PTPN5: variants seen among roughly 807,000 people sequenced by gnomAD.
PTPN5 encodes tyrosine-protein phosphatase non-receptor type 5.
In PTPN5, 29 loss-of-function variants were observed where a neutral mutation model predicts 73.9. That is an observed-to-expected ratio of 0.39 (90% confidence interval 0.29 to 0.54). PTPN5 has a LOEUF of 0.54. PTPN5 is among the 20% of genes least tolerant of loss of function. The pLI, the probability that PTPN5 is intolerant of heterozygous loss-of-function variation, is 0.65. For synonymous variants in PTPN5, 267 were observed against 304.7 expected, an observed-to-expected ratio of 0.88 and a Z score of 1.29; for missense variants, 652 against 751.4, an observed-to-expected ratio of 0.87 and a Z score of 1.55.
chr11:18,733,141 C>T lies in PTPN5; in HGVS notation c.1218+94G>A. 6.5e-7 allele frequency: 1 copy of T among 1,530,754 alleles called. No individual in the cohort carries two copies. Among genetic ancestry groups the T allele is most frequent in the Non-Finnish European group, 8.8e-7 (1 of 1,130,630 alleles). The allele number at this position is 1,530,754 out of a possible 1,614,324, so 94.8% of individuals were successfully genotyped here. A position where few individuals can be genotyped will look rare whatever the true frequency, so the allele number is the denominator to read the frequency against. The stretch of plus-strand genomic sequence containing the variant: ...TGGCAGCGGAGTGAACACCGCCGAC[C>T]TCTTGAGATTGTCATAAAGATTAAT... On this transcript the variant is annotated intron_variant, in intron 11 of 14. Transcript: ENST00000358540. The surrounding 1 kb of genome is among the most constrained non-coding windows in gnomAD (Gnocchi z 4.3).
At position 18,733,426 on chromosome 11, in the gene PTPN5, C is replaced by T; in HGVS notation, c.1081-54G>A. On this transcript the variant is annotated intron_variant, in intron 10 of 14. Transcript: ENST00000358540. This position sits in a 1 kb window ranked among gnomAD's most constrained non-coding sequence, Gnocchi z 4.3. ...GGTCAGAGGCAGTGCTCCCAGGACC[C>T]CATCCCCACACTCAGGCTCTTCACA... is the stretch of plus-strand genomic sequence containing the variant. The T allele has an allele frequency of 4.3e-6, 7 of 1,609,610 alleles. No individual in the cohort carries two copies. Among genetic ancestry groups the T allele is most frequent in the Non-Finnish European group, 5.9e-6 (7 of 1,176,716 alleles).
chr11:18,756,765 A>T (rs1292265979), intron 3 of PTPN5, among the ~76,000 whole-genome samples: 1 of 149,364 alleles, frequency 6.7e-6, no homozygotes, highest in African/African-American at 2.5e-5. Flanking sequence ...TACTAAAAAT[A>T]AAAAAAAAAT....
chr11:18,771,334 T>C (rs1447889675), intron 2 of PTPN5, among the ~76,000 whole-genome samples: 1 of 152,220 alleles, frequency 6.6e-6, no homozygotes, highest in Non-Finnish European at 1.5e-5. Context: ...GAAGATCCTT[T>C]TCCCCTTTTG....
chr11:18,740,491 A>AG, intron 8 of PTPN5, 112 bp downstream of exon 8: 1 of 968,934 alleles, frequency 1.0e-6, no homozygotes, highest in Non-Finnish European at 1.4e-6. Context: ...TAATAAAGTG[A>AG]TACTAATCTA....
chr11:18,740,834 G>C, intron 7 of PTPN5, 42 bp from the exon 8 acceptor site: 1 of 1,372,720 alleles, frequency 7.3e-7, no homozygotes, highest in Non-Finnish European at 9.7e-7. Context: ...CAGGGGCAGA[G>C]GGACGGGCAT....
chr11:18,756,645 G>A (rs1182578596), intron 3 of PTPN5, among the ~76,000 whole-genome samples: 2 of 151,728 alleles, frequency 1.3e-5, no homozygotes, highest in Non-Finnish European at 2.9e-5. Context: ...AGCACCGGCC[G>A]GGCGCGGTGG....
At chr11:18,779,937 T>C (rs1026496049) in intron 1 of PTPN5, among the ~76,000 whole-genome samples, 3 of 152,056 alleles carry the variant, frequency 2.0e-5, no homozygotes, top group African/African-American at 7.2e-5. Context: ...AGCTGCAGGG[T>C]TGTGATGAAG....
intron 9 of PTPN5, among the ~76,000 whole-genome samples, chr11:18,737,578 G>A (rs564810131): frequency 3.5e-4 from 54 of 152,306 alleles, no homozygotes; most frequent in African/African-American, 1.2e-3. Context: ...AAAGAGTTTC[G>A]GTTACCACAG....
At chr11:18,738,802 T>C (rs1849232983) in intron 8 of PTPN5, among the ~76,000 whole-genome samples, 1 of 151,908 alleles carries the variant, frequency 6.6e-6, no homozygotes, top group Non-Finnish European at 1.5e-5. Context: ...TGAAACCCCA[T>C]CTCTAATAAG....
chr11:18,780,908 G>A (rs960122101), intron 1 of PTPN5, among the ~76,000 whole-genome samples: 5 of 152,168 alleles, frequency 3.3e-5, no homozygotes, highest in Admixed American at 6.5e-5. Flanking sequence ...AGAAAAAGAA[G>A]AAAGACATGA....
chr11:18,738,972 C>CA (rs375555659), intron 8 of PTPN5, among the ~76,000 whole-genome samples: 3,693 of 69,862 alleles, frequency 0.053, 156 homozygotes, highest in African/African-American at 0.16. Context: ...AACCCTGTCT[C>CA]AAAAAAAAAA....
At chr11:18,745,811 G>A (rs937502498) in intron 3 of PTPN5, among the ~76,000 whole-genome samples, 5 of 152,098 alleles carry the variant, frequency 3.3e-5, no homozygotes, top group Non-Finnish European at 7.3e-5. Flanking sequence ...AAGATGAGGT[G>A]CAGAGAGGTT....
At chr11:18,737,744 GCA>G in intron 9 of PTPN5, 134 bp downstream of exon 9, 1 of 739,088 alleles carries the variant, frequency 1.4e-6, no homozygotes, top group Non-Finnish European at 2.4e-6. Context: ...CCTTCAGCCA[GCA>G]ACCCCCAGCC....
At chr11:18,737,128 C>T (rs12292992) in intron 9 of PTPN5, among the ~76,000 whole-genome samples, 1,755 of 152,320 alleles carry the variant, frequency 0.012, 35 homozygotes, top group African/African-American at 0.039. Flanking sequence ...AACAAGTCAA[C>T]GCCCAAGCTA....
intron 1 of PTPN5, among the ~76,000 whole-genome samples, chr11:18,775,515 G>A (rs540809543): frequency 1.6e-4 from 24 of 152,182 alleles, no homozygotes; most frequent in Non-Finnish European, 2.4e-4. Flanking sequence ...CCACGACCTC[G>A]GGTTTCTCCA....
At chr11:18,753,614 G>A (rs1298013937) in intron 3 of PTPN5, among the ~76,000 whole-genome samples, 1 of 152,148 alleles carries the variant, frequency 6.6e-6, no homozygotes, top group Admixed American at 6.5e-5. Flanking sequence ...ATCCTCTGTT[G>A]GAACCAGTAT....
chr11:18,747,134 G>C lies in PTPN5; in HGVS notation c.98-2935C>G, dbSNP rs921681123. ...AACATGGGACTATGGGGAATAACAT[G>C]ATCTTGGACTTGGCTGCATTTTTTT... On this transcript the variant is annotated intron_variant, in intron 3 of 14. Coordinates refer to ENST00000358540, the MANE Select transcript of PTPN5 (RefSeq NM_006906.2). Among the ~76,000 whole-genome samples the C allele has an allele frequency of 2.7e-5, 4 of 145,788 alleles. No homozygotes were observed. The South Asian group carries it at 9.3e-4, about 34-fold the overall frequency.
intron 3 of PTPN5, among the ~76,000 whole-genome samples, chr11:18,747,503 C>A (rs571900690): frequency 1.3e-5 from 2 of 152,268 alleles, no homozygotes; most frequent in South Asian, 2.1e-4. Context: ...TATTTGTACT[C>A]GTTTTGATAT....
chr11:18,738,104 G>A, intron 8 of PTPN5, 140 bp from the exon 9 acceptor site: 2 of 698,434 alleles, frequency 2.9e-6, no homozygotes, highest in Non-Finnish European at 5.3e-6. Context: ...ACTATTAAGA[G>A]AGTTAGTGCT....
Sources: allele counts gnomAD v4.1 joint callset (sites outside exome capture counted in the v4.1 genomes callset), GRCh38; gene constraint gnomAD v4.1.1; non-coding constraint Gnocchi (gnomAD v3.1); transcripts MANE v1.5; gene names NCBI Gene and HGNC (gene_info 2026-07-23, HGNC 2026-07-21).